The following CA10 variants were observed in gnomAD, a reference collection of about 807,000 sequenced individuals.
CA10 encodes the protein carbonic anhydrase 10 (inactive).
A neutral mutation model predicts 44.2 loss-of-function variants in CA10; 14 were observed. The ratio of observed to expected loss-of-function variants is 0.32; its 90% CI spans 0.21 to 0.50. CA10 has a LOEUF of 0.50. Among genes scored for constraint, CA10 ranks in the 20% least tolerant of loss-of-function variants. The pLI, the probability that CA10 is intolerant of heterozygous loss-of-function variation, is 0.99. For synonymous variants in CA10, 159 were observed against 141.6 expected, an observed-to-expected ratio of 1.12 and a Z score of -0.87; for missense variants, 350 against 409.7, an observed-to-expected ratio of 0.85 and a Z score of 1.26.
intron 1 of CA10, among the ~76,000 whole-genome samples, chr17:52,138,544 C>T (rs1307104148): frequency 6.6e-6 from 1 of 152,174 alleles, no homozygotes; most frequent in Non-Finnish European, 1.5e-5. Flanking sequence ...TGTGACTGAA[C>T]TTAGTCATTC....
At chr17:51,913,587 A>G (rs1981871429) in intron 3 of CA10, among the ~76,000 whole-genome samples, 1 of 152,094 alleles carries the variant, frequency 6.6e-6, no homozygotes, top group South Asian at 2.1e-4. Context: ...GAGAAATACC[A>G]CTGTCATGAT....
intron 2 of CA10, among the ~76,000 whole-genome samples, chr17:52,002,457 G>C (rs1388701342): frequency 6.6e-6 from 1 of 151,768 alleles, no homozygotes; most frequent in Non-Finnish European, 1.5e-5. Flanking sequence ...TGGGGTCATC[G>C]AACAGAGAAT....
chr17:51,937,521 G>A (rs1157623437), intron 2 of CA10, among the ~76,000 whole-genome samples: 1 of 152,102 alleles, frequency 6.6e-6, no homozygotes, highest in African/African-American at 2.4e-5. Context: ...CATTGTTAAA[G>A]GTAAGTTCTC....
At chr17:51,980,643 A>G (rs934908270) in intron 2 of CA10, among the ~76,000 whole-genome samples, 15 of 151,962 alleles carry the variant, frequency 9.9e-5, no homozygotes, top group South Asian at 2.1e-4. Context: ...GGGTTTTTAT[A>G]GTTTTAGATT....
chr17:51,847,811 G>A (rs1389841201), intron 3 of CA10, among the ~76,000 whole-genome samples: 2 of 152,156 alleles, frequency 1.3e-5, no homozygotes, highest in Non-Finnish European at 2.9e-5. Context: ...TCTCTCAGGT[G>A]CCTCTGTGAT....
intron 3 of CA10, among the ~76,000 whole-genome samples, chr17:51,917,512 G>A (rs1177295492): frequency 2.0e-5 from 3 of 152,180 alleles, no homozygotes; most frequent in African/African-American, 7.2e-5. Context: ...AGGTTTAAGT[G>A]GCTTACAGTT....
At chr17:52,132,635 A>G (rs2143353724) in intron 1 of CA10, among the ~76,000 whole-genome samples, 1 of 152,376 alleles carries the variant, frequency 6.6e-6, no homozygotes, top group Non-Finnish European at 1.5e-5. Flanking sequence ...AGAATTCAGC[A>G]TCTTTCCTCA....
chr17:52,088,715 T>G (rs1188117239), intron 1 of CA10, among the ~76,000 whole-genome samples: 2 of 152,196 alleles, frequency 1.3e-5, no homozygotes, highest in Admixed American at 1.3e-4. Context: ...ATAGGTTTTC[T>G]CAAATTTCTG....
intron 4 of CA10, among the ~76,000 whole-genome samples, chr17:51,688,480 G>A (rs146380440): frequency 5.9e-5 from 9 of 152,234 alleles, no homozygotes; most frequent in African/African-American, 1.9e-4. Context: ...ACATCTCTAA[G>A]CTTTAGCTTT....
At chr17:51,667,698 T>C (rs1483501622) in intron 4 of CA10, among the ~76,000 whole-genome samples, 1 of 152,132 alleles carries the variant, frequency 6.6e-6, no homozygotes, top group African/African-American at 2.4e-5. Flanking sequence ...TACAGAGGGA[T>C]CTTTGGTCCT....
At chr17:51,641,010 G>A (rs1396186203) in intron 6 of CA10, among the ~76,000 whole-genome samples, 1 of 151,958 alleles carries the variant, frequency 6.6e-6, no homozygotes, top group Non-Finnish European at 1.5e-5. Context: ...GAGGCCAGTG[G>A]GGGAGTGTTC....
At chr17:51,890,890 T>C (rs2143909115) in intron 3 of CA10, among the ~76,000 whole-genome samples, 1 of 152,294 alleles carries the variant, frequency 6.6e-6, no homozygotes, top group South Asian at 2.1e-4. Context: ...AATTAAAAAC[T>C]TGTTTCTGCT....
At chr17:51,649,370 A>C (rs529079171) in intron 5 of CA10, 116 bp from the exon 6 acceptor site, 1 of 773,180 alleles carries the variant, frequency 1.3e-6, no homozygotes, top group East Asian at 2.6e-5. Flanking sequence ...AGCCAAACAC[A>C]ATGACAGCTG....
chr17:51,690,497 G>A (rs375830985), intron 4 of CA10, among the ~76,000 whole-genome samples: 11 of 152,148 alleles, frequency 7.2e-5, no homozygotes, highest in South Asian at 2.1e-4. Flanking sequence ...TTGAATTATC[G>A]CTCCCCTATT....
intron 6 of CA10, among the ~76,000 whole-genome samples, chr17:51,641,135 C>T (rs1431388686): frequency 1.3e-5 from 1 of 76,760 alleles, no homozygotes; most frequent in Non-Finnish European, 3.1e-5. Context: ...CCCTCTTTCT[C>T]TCTCTCTCTC....
At chr17:52,066,396 C>G (rs1044778624) in intron 2 of CA10, among the ~76,000 whole-genome samples, 1 of 152,146 alleles carries the variant, frequency 6.6e-6, no homozygotes, top group Non-Finnish European at 1.5e-5. Context: ...GGTCCCCACC[C>G]AAATCTCACC....
intron 3 of CA10, among the ~76,000 whole-genome samples, chr17:51,879,815 T>TA (rs979497031): frequency 5.9e-5 from 9 of 152,186 alleles, no homozygotes; most frequent in African/African-American, 2.2e-4. Flanking sequence ...AGAATTCTTC[T>TA]AAAAAGAAAA....
intron 2 of CA10, among the ~76,000 whole-genome samples, chr17:51,990,996 T>A (rs888373465): frequency 3.3e-5 from 5 of 152,150 alleles, no homozygotes; most frequent in Admixed American, 3.3e-4. Flanking sequence ...GCATATACCC[T>A]CACCACTTAA....
At chr17:51,860,376 T>C (rs542165537) in intron 3 of CA10, among the ~76,000 whole-genome samples, 13 of 152,308 alleles carry the variant, frequency 8.5e-5, no homozygotes, top group African/African-American at 2.6e-4. Context: ...GTTTTCTTTC[T>C]CCAAAACATC....
Sources: gnomAD v4.1 joint callset for allele counts (sites outside exome capture counted in the v4.1 genomes callset) on GRCh38, gnomAD v4.1.1 for gene constraint, MANE v1.5 for transcripts, NCBI Gene and HGNC (gene_info 2026-07-23, HGNC 2026-07-21) for gene names.